DIP2C: variants seen among roughly 807,000 people sequenced by gnomAD.
DIP2C encodes DIP2 acetate--CoA ligase C (putative).
A neutral mutation model predicts 192.4 loss-of-function variants in DIP2C; 33 were observed. The ratio of observed to expected loss-of-function variants is 0.17; its 90% confidence interval spans 0.13 to 0.23. The LOEUF (loss-of-function observed/expected upper bound fraction) is 0.23. DIP2C is among the 10% of genes least tolerant of loss of function. DIP2C has a pLI of 1.00. For missense variants in DIP2C, 1,537 were observed against 2,110.1 expected (o/e 0.73, Z 5.32); for synonymous variants, 979 against 864.1 (o/e 1.13, Z -2.33).
At chr10:484,516 C>G (rs79785755) in intron 2 of DIP2C, among the ~76,000 whole-genome samples, 7 of 152,180 alleles carry the variant, frequency 4.6e-5, no homozygotes, top group Non-Finnish European at 7.3e-5. Context: ...TAAGTGTTTT[C>G]TAAGTGGTGC....
intron 1 of DIP2C, chr10:662,116 C>T (rs1270562792): frequency 1.4e-6 from 1 of 717,418 alleles, no homozygotes; most frequent in Non-Finnish European, 2.6e-6. Context: ...TAGTATCTGA[C>T]AGGTAAGGAC....
chr10:615,007 C>T (rs1853356471), intron 1 of DIP2C, among the ~76,000 whole-genome samples: 1 of 152,216 alleles, frequency 6.6e-6, no homozygotes, highest in Admixed American at 6.5e-5. Flanking sequence ...ATGACACAGC[C>T]GAAGCGCTGG....
At chr10:446,628 G>T (rs1470781859) in intron 3 of DIP2C, among the ~76,000 whole-genome samples, 2 of 152,226 alleles carry the variant, frequency 1.3e-5, no homozygotes, top group African/African-American at 2.4e-5. Flanking sequence ...CTGAACCACG[G>T]AGAATGGCCA....
rs549927993 is a variant in DIP2C, at chr10:346,657, G to A, written c.3232-1547C>T. On this transcript the variant is annotated intron_variant, in intron 26 of 36. Transcript: ENST00000280886. ...CACACTCACCCAACCCAGACATATC[G>A]CGTATAGTTCTCCCGGAAACGTCAC... Among the ~76,000 whole-genome samples the A allele has an allele frequency of 4.2e-4, 50 of 118,960 alleles. 1 individual carries two copies. Among genetic ancestry groups the A allele is most frequent in the Admixed American group, 6.8e-4 (7 of 10,242 alleles). 78.0% of individuals were successfully genotyped at this position (118,960 alleles called of 152,430 possible). A position where few individuals can be genotyped will look rare whatever the true frequency, so the allele number is the denominator to read the frequency against.
In DIP2C at chr10:411,847, T is replaced by C. The variant is rs574910415; in HGVS notation, c.1057+2066A>G. Among the ~76,000 whole-genome samples the C allele has an allele frequency of 5.2e-4, 79 of 152,364 alleles. 1 individual carries two copies. The South Asian group carries it at 0.015, about 28-fold the overall frequency. On this transcript the variant is annotated intron_variant, in intron 8 of 36. Transcript: ENST00000280886. ...TTTCTACGCAGATGGCGCTTTCCAG[T>C]GTTCACTGCGTTTTCATCTGATAAG...
At chr10:467,323 T>C (rs548469065) in intron 3 of DIP2C, among the ~76,000 whole-genome samples, 58 of 148,948 alleles carry the variant, frequency 3.9e-4, no homozygotes, top group African/African-American at 1.1e-3. Flanking sequence ...TAGGTGGGAA[T>C]TGAACAATGA....
chr10:283,595 C>CGG (rs1954950137), intron 34 of DIP2C, 149 bp from the exon 35 acceptor site: 1 of 1,079,520 alleles, frequency 9.3e-7, no homozygotes, highest in South Asian at 1.7e-5. Flanking sequence ...TAATCTCATT[C>CGG]GGGTTTCTCG....
chr10:586,307 C>A (rs1212139736), intron 1 of DIP2C, among the ~76,000 whole-genome samples: 1 of 152,188 alleles, frequency 6.6e-6, no homozygotes, highest in Non-Finnish European at 1.5e-5. Flanking sequence ...TGGCTGGGAT[C>A]CAAGTGCAGG....
At chr10:476,724 G>A (rs979025102) in intron 2 of DIP2C, among the ~76,000 whole-genome samples, 4 of 152,190 alleles carry the variant, frequency 2.6e-5, no homozygotes, top group Admixed American at 6.6e-5. Flanking sequence ...GGTGTCCAGA[G>A]CCTCAATCTC....
chr10:560,433 T>C (rs1458447368), intron 1 of DIP2C, among the ~76,000 whole-genome samples: 1 of 152,146 alleles, frequency 6.6e-6, no homozygotes, highest in Non-Finnish European at 1.5e-5. Flanking sequence ...CATCAGGATT[T>C]AAGTTCTCGA....
chr10:349,490 C>A, intron 24 of DIP2C, 36 bp from the exon 25 acceptor site: 1 of 1,580,770 alleles, frequency 6.3e-7, no homozygotes. Context: ...ACATAAGATT[C>A]CTTCAGCAGA....
chr10:385,591 C>A (rs1210158232), intron 14 of DIP2C, among the ~76,000 whole-genome samples: 1 of 152,216 alleles, frequency 6.6e-6, no homozygotes, highest in African/African-American at 2.4e-5. Context: ...TCTGGCCGGG[C>A]CTTGCTGCGG....
intron 1 of DIP2C, among the ~76,000 whole-genome samples, chr10:658,294 T>TCCCTGGACCTGC (rs1564315413): frequency 6.9e-4 from 57 of 83,094 alleles, no homozygotes; most frequent in African/African-American, 2.6e-3. Flanking sequence ...CCTGGACCTG[T>TCCCTGGACCTGC]CCCTGGACCT....
intron 1 of DIP2C, among the ~76,000 whole-genome samples, chr10:492,116 G>A (rs574163031): frequency 2.6e-5 from 4 of 152,294 alleles, no homozygotes; most frequent in South Asian, 4.2e-4. Context: ...ACCATCTAGG[G>A]ACCCCAGACG....
chr10:560,593 TAATA>T (rs1277062329), intron 1 of DIP2C, among the ~76,000 whole-genome samples: 2 of 152,120 alleles, frequency 1.3e-5, no homozygotes, highest in East Asian at 1.9e-4. Flanking sequence ...GCTGATAACT[TAATA>T]ATTAACATAC....
chr10:368,423 G>A (rs577092597), intron 18 of DIP2C, among the ~76,000 whole-genome samples: 1 of 152,360 alleles, frequency 6.6e-6, no homozygotes, highest in African/African-American at 2.4e-5. Context: ...CTGGGAGGCA[G>A]GGAGTGGGCT....
intron 1 of DIP2C, among the ~76,000 whole-genome samples, chr10:583,140 T>TC (rs1850771707): frequency 6.6e-6 from 1 of 152,178 alleles, no homozygotes; most frequent in African/African-American, 2.4e-5. Context: ...TGAGCATATC[T>TC]CCTCCAATGG....
At chr10:532,542 TGTGAGAGAGTATGG>T (rs1847434692) in intron 1 of DIP2C, among the ~76,000 whole-genome samples, 1 of 134,184 alleles carries the variant, frequency 7.5e-6, no homozygotes, top group African/African-American at 2.9e-5. Flanking sequence ...AGAGTATGGG[TGTGAGAGAGTATGG>T]GTGAGAGAGA....
At chr10:661,889 A>G (rs1856784259) in intron 1 of DIP2C, 1 of 610,830 alleles carries the variant, frequency 1.6e-6, no homozygotes, top group South Asian at 1.9e-5. Flanking sequence ...AGCAAAGCAC[A>G]ACGCCGACCT....
Sources: gnomAD v4.1 joint callset for allele counts (sites outside exome capture counted in the v4.1 genomes callset) on GRCh38, gnomAD v4.1.1 for gene constraint, MANE v1.5 for transcripts, NCBI Gene and HGNC (gene_info 2026-07-23, HGNC 2026-07-21) for gene names.